Variants in TXLNB observed in about 807,000 individuals in gnomAD.
TXLNB encodes taxilin beta.
In TXLNB, 37 loss-of-function variants were observed where a neutral mutation model predicts 57.4. The ratio of observed to expected loss-of-function variants is 0.64; its 90% CI spans 0.50 to 0.85. TXLNB has a LOEUF of 0.85. TXLNB is among the 40% of genes least tolerant of loss of function. The pLI is 0.00. For synonymous variants in TXLNB, 302 were observed against 309.6 expected (o/e 0.98, Z 0.26); for missense variants, 848 against 825.6 (o/e 1.03, Z -0.33).
the TXLNB span, among the ~76,000 whole-genome samples, chr6:139,220,237 C>T: frequency 6.6e-6 from 1 of 152,322 alleles, no homozygotes; most frequent in South Asian, 2.1e-4. Flanking sequence ...TCTGCTGGTA[C>T]CTTGATACTG....
the TXLNB span, among the ~76,000 whole-genome samples, chr6:139,318,196 G>A: frequency 6.7e-6 from 1 of 150,042 alleles, no homozygotes; most frequent in South Asian, 2.1e-4. Context: ...CGTGAACCTG[G>A]GAGGCAGAGC....
At chr6:139,187,804 G>C in the TXLNB span, among the ~76,000 whole-genome samples, 2 of 152,194 alleles carry the variant, frequency 1.3e-5, no homozygotes, top group African/African-American at 2.4e-5. Flanking sequence ...GGTTGATTGA[G>C]AGAAGATTCT....
At chr6:139,305,453 A>G in the TXLNB span, among the ~76,000 whole-genome samples, 2 of 152,052 alleles carry the variant, frequency 1.3e-5, no homozygotes, top group African/African-American at 4.8e-5. Context: ...TTTTTTTGGT[A>G]TTTGTATTAA....
the TXLNB span, among the ~76,000 whole-genome samples, chr6:139,204,409 C>G: frequency 6.6e-6 from 1 of 152,290 alleles, no homozygotes; most frequent in East Asian, 1.9e-4. Flanking sequence ...AGCACTCCCA[C>G]TCTGCAGCAC....
the TXLNB span, among the ~76,000 whole-genome samples, chr6:139,205,784 C>T: frequency 6.6e-6 from 1 of 152,030 alleles, no homozygotes; most frequent in Non-Finnish European, 1.5e-5. Context: ...GAAAAACTTC[C>T]CTGGCTTTGC....
chr6:139,300,206 G>C, the TXLNB span, among the ~76,000 whole-genome samples: 9 of 152,272 alleles, frequency 5.9e-5, no homozygotes, highest in South Asian at 1.9e-3. Flanking sequence ...GTGTGTGGTG[G>C]TCACCTAGTT....
the TXLNB span, among the ~76,000 whole-genome samples, chr6:139,190,419 C>T: frequency 4.0e-5 from 6 of 150,224 alleles, no homozygotes; most frequent in Non-Finnish European, 8.9e-5. Context: ...AAGCGATTCT[C>T]CTGCCTCAGC....
chr6:139,214,450 A>T, the TXLNB span, among the ~76,000 whole-genome samples: 1 of 152,352 alleles, frequency 6.6e-6, no homozygotes, highest in African/African-American at 2.4e-5. Flanking sequence ...AAAAACTCTC[A>T]ATAAATTAGG....
chr6:139,234,605 G>A, the TXLNB span: 1 of 152,258 alleles, frequency 6.6e-6, no homozygotes, highest in Non-Finnish European at 1.5e-5. Context: ...ATTAAGGTTT[G>A]GGAACCTCTG....
the TXLNB span, among the ~76,000 whole-genome samples, chr6:139,168,043 T>C: frequency 6.6e-6 from 1 of 152,208 alleles, no homozygotes; most frequent in Non-Finnish European, 1.5e-5. Context: ...GCTAAAAAGC[T>C]TGTTGTGAAA....
the TXLNB span, among the ~76,000 whole-genome samples, chr6:139,233,741 G>C: frequency 1.3e-5 from 2 of 152,140 alleles, no homozygotes; most frequent in Non-Finnish European, 2.9e-5. Flanking sequence ...TCCAGTCTTA[G>C]GTATTTCTTT....
At chr6:139,239,672 A>T (rs560632556), downstream of TXLNB, 1 of 152,086 alleles carries the variant, frequency 6.6e-6, no homozygotes, top group Non-Finnish European at 1.5e-5. This position sits in a 1 kb window ranked among gnomAD's most constrained non-coding sequence, Gnocchi z 4.7. Context: ...TTTTTAAAAC[A>T]TTTTTTGTAG....
chr6:139,261,073 A>G (rs1776469037), intron 5 of TXLNB, among the ~76,000 whole-genome samples: 1 of 152,118 alleles, frequency 6.6e-6, no homozygotes, highest in Non-Finnish European at 1.5e-5. Flanking sequence ...TGACCTCTGG[A>G]CTAGTTTGGT....
upstream of TXLNB, among the ~76,000 whole-genome samples, chr6:139,296,370 G>A (rs1777389598): frequency 6.6e-6 from 1 of 152,014 alleles, no homozygotes; most frequent in African/African-American, 2.4e-5. Context: ...CTGTCTTTTA[G>A]TTTTTAATGT....
chr6:139,269,275 G>A (rs1205570704), intron 4 of TXLNB: 1 of 152,128 alleles, frequency 6.6e-6, no homozygotes, highest in Non-Finnish European at 1.5e-5. Context: ...TCTCTTTGTT[G>A]ATAAATGATC....
At chr6:139,271,208 CATTGACGGG>C (rs1378181492) in intron 3 of TXLNB, among the ~76,000 whole-genome samples, 1 of 152,170 alleles carries the variant, frequency 6.6e-6, no homozygotes, top group East Asian at 1.9e-4. Context: ...ACTACCTAAG[CATTGACGGG>C]TTTTCACCAA....
rs144738388 is a variant in TXLNB, at chr6:139,242,676, G to A, written c.1905C>T (p.Cys635=). The A allele has an allele frequency of 3.4e-4, 541 of 1,610,768 alleles. 1 individual carries two copies. The highest frequency in any genetic ancestry group is 4.3e-4 in the African/African-American group (32 of 74,720). ...TGGCTGCAACGTGCTCTTCTGCTGC[G>A]CATGCTGGAGCAGGCACATCTGCCT... ...KMEADVPAPA[C]AAEEHVAAMV... The change falls in exon 10 of 10, where the codon TGC becomes TGT. Residue 635 remains cysteine, a synonymous_variant. Transcript: ENST00000358430.
chr6:139,247,435 T>C (rs1776091122), intron 8 of TXLNB, among the ~76,000 whole-genome samples: 1 of 151,446 alleles, frequency 6.6e-6, no homozygotes, highest in East Asian at 1.9e-4. Context: ...CCACCACGTC[T>C]GGACAAAAGT....
chr6:139,237,872 AT>A (rs1315510106), downstream of TXLNB, among the ~76,000 whole-genome samples: 1 of 152,170 alleles, frequency 6.6e-6, no homozygotes, highest in East Asian at 1.9e-4. Context: ...AAGGACTTGC[AT>A]TTGGGTTTAG....
Sources: allele counts gnomAD v4.1 joint callset (sites outside exome capture counted in the v4.1 genomes callset), GRCh38; gene constraint gnomAD v4.1.1; non-coding constraint Gnocchi (gnomAD v3.1); transcripts MANE v1.5; gene names NCBI Gene and HGNC (gene_info 2026-07-23, HGNC 2026-07-21).